ZBTB20: variants seen among roughly 807,000 people sequenced by gnomAD.
ZBTB20 encodes zinc finger and BTB domain-containing protein 20.
In ZBTB20, 9 loss-of-function variants were observed where a neutral mutation model predicts 56.9. The observed-to-expected ratio is 0.16, with a 90% confidence interval of 0.10 to 0.28. ZBTB20 has a LOEUF of 0.28. Ranked by LOEUF, ZBTB20 falls within the 10% of genes least tolerant of loss-of-function variation. The pLI, the probability that ZBTB20 is intolerant of heterozygous loss-of-function variation, is 1.00. For synonymous variants in ZBTB20, 417 were observed against 420.7 expected (o/e 0.99, Z 0.11); for missense variants, 655 against 1,003.0 (o/e 0.65, Z 4.69).
intron 5 of ZBTB20, among the ~76,000 whole-genome samples, chr3:114,757,651 T>C (rs1270997031): frequency 2.6e-5 from 4 of 152,150 alleles, no homozygotes; most frequent in African/African-American, 7.2e-5. Context: ...CAGTGGGAAT[T>C]AAACCTTTAA....
At chr3:114,842,965 T>TC (rs2074449870) in intron 4 of ZBTB20, among the ~76,000 whole-genome samples, 1 of 152,158 alleles carries the variant, frequency 6.6e-6, no homozygotes, top group African/African-American at 2.4e-5. Flanking sequence ...GGGGCGATTT[T>TC]CCCCATGCTC....
intron 3 of ZBTB20, among the ~76,000 whole-genome samples, chr3:114,967,259 T>A (rs1049257872): frequency 2.0e-5 from 3 of 152,088 alleles, no homozygotes; most frequent in Non-Finnish European, 4.4e-5. Context: ...TTTTATTAAA[T>A]AGCAGCAGAA....
chr3:114,932,285 A>C (rs1355438807), intron 3 of ZBTB20, among the ~76,000 whole-genome samples: 1 of 152,238 alleles, frequency 6.6e-6, no homozygotes, highest in Non-Finnish European at 1.5e-5. Context: ...TATTTCAAAA[A>C]TGGTGAGCCT....
intron 1 of ZBTB20, among the ~76,000 whole-genome samples, chr3:115,134,212 T>G (rs953009095): frequency 1.3e-5 from 2 of 152,234 alleles, no homozygotes; most frequent in Non-Finnish European, 2.9e-5. Context: ...ATATTTCCTT[T>G]TCATTGCTTT....
chr3:114,385,239 T>C (rs958720677), intron 8 of ZBTB20, among the ~76,000 whole-genome samples: 1 of 152,100 alleles, frequency 6.6e-6, no homozygotes, highest in Non-Finnish European at 1.5e-5. Flanking sequence ...ATTTCCCTAC[T>C]CTTTTCCCCA....
At chr3:114,439,869 A>AT (rs1199945384) in intron 7 of ZBTB20, among the ~76,000 whole-genome samples, 2 of 152,144 alleles carry the variant, frequency 1.3e-5, no homozygotes, top group Non-Finnish European at 2.9e-5. Context: ...TTGATTTAGG[A>AT]TTTTTTAAAA....
intron 7 of ZBTB20, among the ~76,000 whole-genome samples, chr3:114,431,690 C>T (rs1576729703): frequency 6.6e-6 from 1 of 151,982 alleles, no homozygotes; most frequent in African/African-American, 2.4e-5. Flanking sequence ...TGACTCATAC[C>T]CCAATATTAA....
At chr3:114,376,256 TCCACATACGTGGATAAAAACAATGTCC>T (rs2083613875) in intron 10 of ZBTB20, among the ~76,000 whole-genome samples, 2 of 152,272 alleles carry the variant, frequency 1.3e-5, no homozygotes, top group South Asian at 4.2e-4. Context: ...TGTGCTCCTT[TCCACATACGTGGATAAAAACAATGTCC>T]CCACACCCAG....
In ZBTB20 at chr3:114,380,187, A is replaced by G. The variant is rs1435745375; in HGVS notation, c.199+30T>C. On this transcript the variant is annotated intron_variant, in intron 10 of 11. Coordinates refer to ENST00000675478, the MANE Select transcript of ZBTB20 (RefSeq NM_001348800.3). ...TAGAAGCACTACTCCAAGCACTGCA[A>G]AGACACCATCACCTTAGTGGTGTAC... is the stretch of plus-strand genomic sequence containing the variant. 2.6e-6 allele frequency: 4 copies of G among 1,515,206 alleles called. No individual in the cohort carries two copies. The East Asian group carries it at 9.9e-5, about 37-fold the overall frequency. 93.9% of individuals were successfully genotyped at this position (1,515,206 alleles called of 1,614,324 possible). A position where few individuals can be genotyped will look rare whatever the true frequency, so the allele number is the denominator to read the frequency against.
intron 6 of ZBTB20, among the ~76,000 whole-genome samples, chr3:114,504,877 G>T (rs1378198867): frequency 6.6e-6 from 1 of 152,182 alleles, no homozygotes; most frequent in East Asian, 1.9e-4. Context: ...AAACAGCTCA[G>T]ATCATACCGC....
chr3:114,889,763 G>A (rs1457880594), intron 4 of ZBTB20, among the ~76,000 whole-genome samples: 3 of 152,014 alleles, frequency 2.0e-5, no homozygotes, highest in Admixed American at 1.3e-4. Context: ...GGGTGTTTCT[G>A]GAATTCTTGC....
chr3:114,352,117 C>T (rs893178759), intron 10 of ZBTB20, among the ~76,000 whole-genome samples: 1 of 152,184 alleles, frequency 6.6e-6, no homozygotes, highest in Admixed American at 6.5e-5. Flanking sequence ...TTTTGGGTAT[C>T]CATATTAACT....
intron 2 of ZBTB20, among the ~76,000 whole-genome samples, chr3:115,017,358 C>T (rs2080011812): frequency 6.6e-6 from 1 of 151,574 alleles, no homozygotes; most frequent in South Asian, 2.1e-4. Flanking sequence ...CAGCTACAAA[C>T]CACTCCTCAT....
chr3:114,653,908 GT>G (rs1459293749), intron 6 of ZBTB20, among the ~76,000 whole-genome samples: 2 of 151,688 alleles, frequency 1.3e-5, no homozygotes, highest in Admixed American at 6.6e-5. Flanking sequence ...TTGACATGAA[GT>G]TTTCATAATA....
intron 3 of ZBTB20, among the ~76,000 whole-genome samples, chr3:114,939,321 G>A (rs2076652822): frequency 6.8e-6 from 1 of 146,444 alleles, no homozygotes; most frequent in African/African-American, 2.8e-5. Flanking sequence ...CCAAGCATAA[G>A]GATTGATTAA....
intron 4 of ZBTB20, among the ~76,000 whole-genome samples, chr3:114,828,488 TG>T (rs1203215172): frequency 6.6e-6 from 1 of 151,892 alleles, no homozygotes; most frequent in African/African-American, 2.4e-5. Flanking sequence ...ACATGGAAAT[TG>T]TTTTGTTATG....
intron 6 of ZBTB20, among the ~76,000 whole-genome samples, chr3:114,566,530 AGT>A (rs1184168472): frequency 1.3e-5 from 2 of 152,192 alleles, no homozygotes; most frequent in Non-Finnish European, 2.9e-5. Flanking sequence ...ACCACCTGAG[AGT>A]TCCAGTTTAA....
intron 6 of ZBTB20, among the ~76,000 whole-genome samples, chr3:114,619,157 T>C (rs1001083522): frequency 2.0e-5 from 3 of 152,154 alleles, no homozygotes; most frequent in African/African-American, 7.2e-5. Flanking sequence ...CTAATGGAGA[T>C]GTTCTCCATT....
In ZBTB20 at chr3:114,337,222, A is replaced by C. The variant is rs2079489420; in HGVS notation, c.*1783T>G. 1 of 152,228 alleles carries C rather than the reference A, an allele frequency of 6.6e-6. No individual in the cohort carries two copies. Among genetic ancestry groups the C allele is most frequent in the Non-Finnish European group, 1.5e-5 (1 of 68,040 alleles). The allele number at this position is 152,228 out of a possible 1,614,324, so 9.4% of individuals were successfully genotyped here. On this transcript the variant is annotated 3_prime_UTR_variant, in exon 12 of 12. Transcript: ENST00000675478. ...ATGGTGGAAACAGTCAGAAGGTGATATTTGGAAGGAAAAAAGTAATTTTGG... is the reference window on the plus strand; with the variant it reads ...ATGGTGGAAACAGTCAGAAGGTGATCTTTGGAAGGAAAAAAGTAATTTTGG...
Sources: allele counts gnomAD v4.1 joint callset (sites outside exome capture counted in the v4.1 genomes callset), GRCh38; gene constraint gnomAD v4.1.1; transcripts MANE v1.5; gene names NCBI Gene and HGNC (gene_info 2026-07-23, HGNC 2026-07-21).